The following PRAME variants were observed in gnomAD, a reference collection of about 807,000 sequenced individuals.
PRAME encodes the protein PRAME nuclear receptor transcriptional regulator.
PRAME carries 21 observed loss-of-function variants against 32.1 expected under a neutral mutation model. The observed-to-expected ratio is 0.65, with a 90% CI of 0.46 to 0.94. PRAME has a LOEUF of 0.94. PRAME is among the 40% of genes least tolerant of loss of function. The pLI is 0.00. For synonymous variants in PRAME, 274 were observed against 251.5 expected (o/e 1.09, Z -0.85); for missense variants, 651 against 622.3 (o/e 1.05, Z -0.49).
chr22:22,557,605 G>C (rs1203190652), intron 1 of PRAME, 25 bp from the exon 2 acceptor site: 1 of 140,036 alleles, frequency 7.1e-6, no homozygotes, highest in Non-Finnish European at 1.5e-5. Context: ...CGAGACAATG[G>C]CTCAGCTAAG....
At chr22:22,549,336 G>C (rs1008575429) in intron 5 of PRAME, among the ~76,000 whole-genome samples, 1 of 151,910 alleles carries the variant, frequency 6.6e-6, no homozygotes, top group Non-Finnish European at 1.5e-5. Context: ...TTGAGAAGCT[G>C]GTGAGCGCAC....
chr22:22,551,897 TGGTGA>T (rs1269371265), intron 3 of PRAME, among the ~76,000 whole-genome samples: 1 of 151,830 alleles, frequency 6.6e-6, no homozygotes, highest in Non-Finnish European at 1.5e-5. Flanking sequence ...CACATATGTG[TGGTGA>T]GAACACTTGA....
At chr22:22,553,040 T>C in intron 3 of PRAME, 1 of 421,436 alleles carries the variant, frequency 2.4e-6, no homozygotes, top group Admixed American at 2.7e-5. Flanking sequence ...CAGGTTCAAC[T>C]GATTGAATGG....
Position 22,551,041 on chromosome 22 carries a change from G to A in PRAME, c.70C>T (p.Arg24Trp), listed in dbSNP as rs73158906. Residue 24 changes from arginine (R) to tryptophan (W), a missense_variant, in exon 4 of 6, where the codon CGG becomes TGG. Coordinates refer to ENST00000405655, the MANE Select transcript of PRAME (RefSeq NM_206956.3). ...TGCCCTGCCAGCTCCACAAGTCTCC[G>A]TGGGCTTGTCCACACACTCATGCTG... ...YISMSVWTSPRRLVELAGQSL... is the reference protein window; with the variant it reads ...YISMSVWTSPWRLVELAGQSL... 587 of 1,607,972 alleles carry A rather than the reference G, an allele frequency of 3.7e-4. 3 individuals carry two copies. The African/African-American group carries it at 6.3e-3, about 17-fold the overall frequency.
At position 22,557,165 on chromosome 22, in the gene PRAME, G is replaced by A. The variant is rs2062979827; in HGVS notation, c.-77-256C>T. The stretch of plus-strand genomic sequence containing the variant: ...CCTGTGGTCAAGGACCCTGACTACG[G>A]TCTTGCAGCGACATTTCTGCCTCTG... On this transcript the variant is annotated intron_variant, in intron 2 of 5. Transcript: ENST00000405655. 2.0e-5 allele frequency: 8 copies of A among 408,168 alleles called. No individual in the cohort carries two copies. In the Admixed American group the frequency reaches 2.8e-4, roughly 14 times the overall value. The allele number at this position is 408,168 out of a possible 1,614,324, so 25.3% of individuals were successfully genotyped here.
In PRAME at chr22:22,549,885, A is replaced by C. The variant is rs559876942; in HGVS notation, c.794T>G (p.Leu265Arg). Residue 265 changes from leucine to arginine, a missense_variant, in exon 5 of 6, where the codon CTC becomes CGC. Leu to Arg is a moderately radical substitution (Grantham distance 102). Coordinates refer to ENST00000405655, the MANE Select transcript of PRAME (RefSeq NM_206956.3). Reference sequence around the variant, plus strand: ...AGATGCATGGATGTGGGAGAGGAGGAGTCTACGCAGATTAATCATCTGGCC... The same window carrying C: ...AGATGCATGGATGTGGGAGAGGAGGCGTCTACGCAGATTAATCATCTGGCC... ...YLGQMINLRR[L>R]LLSHIHASSY... 2.1e-5 allele frequency: 34 copies of C among 1,613,820 alleles called. No individual in the cohort carries two copies. Among genetic ancestry groups the C allele is most frequent in the Middle Eastern group, 3.3e-4 (2 of 6,054 alleles).
intron 3 of PRAME, among the ~76,000 whole-genome samples, chr22:22,551,744 A>G (rs1036962496): frequency 1.3e-5 from 2 of 151,966 alleles, no homozygotes; most frequent in Admixed American, 6.6e-5. Context: ...CAGTAAAACA[A>G]AGCCTGGTTC....
At position 22,549,763 on chromosome 22, in the gene PRAME, A is replaced by G. The variant is rs776285357; in HGVS notation, c.916T>C (p.Leu306=). ...TCCAGGCGGCCTCTAAGGAAAAATAAAGAGTCCACATAGAGAGCCTGCAGG... is the reference window on the plus strand; with the variant it reads ...TCCAGGCGGCCTCTAAGGAAAAATAGAGAGTCCACATAGAGAGCCTGCAGG... ...QCLQALYVDS[L]FFLRGRLDQL... is the part of the protein sequence containing the mutation. The change falls in exon 5 of 6, where the codon TTA becomes CTA. Residue 306 remains leucine, a synonymous_variant. Coordinates refer to ENST00000405655, the MANE Select transcript of PRAME (RefSeq NM_206956.3). The G allele has an allele frequency of 5.0e-6, 8 of 1,609,246 alleles. No homozygotes were observed. The highest frequency in any genetic ancestry group is 2.2e-5 in the East Asian group (1 of 44,782).
At chr22:22,552,712 G>A in intron 3 of PRAME, 1 of 308,282 alleles carries the variant, frequency 3.2e-6, no homozygotes. Flanking sequence ...AAAGAAAAAG[G>A]AAAACCATCT....
chr22:22,552,784 C>T (rs556020482), intron 3 of PRAME: 1 of 469,662 alleles, frequency 2.1e-6, no homozygotes, highest in Admixed American at 2.4e-5. Context: ...GAGGCAGTGG[C>T]CATAGCCTGA....
rs375252342 is a variant in PRAME, at chr22:22,552,775, A to G, written c.22-1686T>C. On this transcript the variant is annotated intron_variant, in intron 3 of 5. Transcript: ENST00000405655. The stretch of plus-strand genomic sequence containing the variant: ...GAGACCCTGAGGTGACAGTAGAAGG[A>G]GGCAGTGGCCATAGCCTGAGGCTCC... 5 of 467,576 alleles carry G rather than the reference A, an allele frequency of 1.1e-5. No homozygotes were observed. In the Admixed American group the frequency reaches 1.2e-4, roughly 11 times the overall value. The allele number at this position is 467,576 out of a possible 1,614,324, so 29.0% of individuals were successfully genotyped here.
Position 22,559,188 on chromosome 22 carries a change from A to C in PRAME, c.-331T>G, listed in dbSNP as rs1332644922. 1 of 285,936 alleles carries C rather than the reference A, an allele frequency of 3.5e-6. No individual in the cohort carries two copies. The highest frequency in any genetic ancestry group is 6.8e-6 in the Non-Finnish European group (1 of 147,516). 17.7% of individuals were successfully genotyped at this position (285,936 alleles called of 1,614,324 possible). A position where few individuals can be genotyped will look rare whatever the true frequency, so the allele number is the denominator to read the frequency against. On this transcript the variant is annotated 5_prime_UTR_variant, in exon 1 of 6. Coordinates refer to ENST00000405655, the MANE Select transcript of PRAME (RefSeq NM_206956.3). Reference sequence around the variant, plus strand: ...GCCAATACAGACCTGTTGACAGGTCACGCCTGGGAAGCGGGTGGGGTGTCC... The same window carrying C: ...GCCAATACAGACCTGTTGACAGGTCCCGCCTGGGAAGCGGGTGGGGTGTCC...
chr22:22,555,059 G>A (rs2062825446), intron 3 of PRAME, among the ~76,000 whole-genome samples: 1 of 151,992 alleles, frequency 6.6e-6, no homozygotes, highest in African/African-American at 2.4e-5. Flanking sequence ...CAGTATAAGG[G>A]AGAAGTGAAA....
chr22:22,554,497 C>T (rs954551231), intron 3 of PRAME, among the ~76,000 whole-genome samples: 11 of 151,868 alleles, frequency 7.2e-5, no homozygotes, highest in African/African-American at 2.4e-4. Context: ...TCATCAGCTG[C>T]GGGAGACTGA....
At chr22:22,552,608 A>G (rs563596357) in intron 3 of PRAME, among the ~76,000 whole-genome samples, 1 of 152,146 alleles carries the variant, frequency 6.6e-6, no homozygotes, top group Non-Finnish European at 1.5e-5. Flanking sequence ...ATTGTGTATC[A>G]ATTAAGAAAT....
At chr22:22,553,069 G>A in intron 3 of PRAME, 5 of 374,034 alleles carry the variant, frequency 1.3e-5, no homozygotes, top group Admixed American at 3.4e-5. Flanking sequence ...TTTACAAAAA[G>A]GAAAGAAAAA....
chr22:22,551,092 G>A lies in PRAME; in HGVS notation c.22-3C>T, dbSNP rs1295440320. 2.6e-6 allele frequency: 4 copies of A among 1,558,740 alleles called. No homozygotes were observed. The highest frequency in any genetic ancestry group is 3.5e-6 in the Non-Finnish European group (4 of 1,147,918). On this transcript the variant is annotated splice_region_variant and splice_polypyrimidine_tract_variant and intron_variant, in intron 3 of 5. Coordinates refer to ENST00000405655, the MANE Select transcript of PRAME (RefSeq NM_206956.3). The stretch of plus-strand genomic sequence containing the variant: ...ATGTATCGGCTCTGAATGGAACCCT[G>A]AGGAAACATACAGGGAACAAGGCAT...
At chr22:22,551,114 G>C in intron 3 of PRAME, 25 bp from the exon 4 acceptor site, 6 of 1,532,112 alleles carry the variant, frequency 3.9e-6, no homozygotes, top group Non-Finnish European at 4.4e-6. Context: ...AGGGAACAAG[G>C]CATCCCTTTC....
intron 3 of PRAME, among the ~76,000 whole-genome samples, chr22:22,551,942 A>G (rs2062601283): frequency 6.6e-6 from 1 of 151,668 alleles, no homozygotes; most frequent in Non-Finnish European, 1.5e-5. Context: ...TCATGTATAC[A>G]ATACATTATT....
Sources: gnomAD v4.1 joint callset for allele counts (sites outside exome capture counted in the v4.1 genomes callset) on GRCh38, gnomAD v4.1.1 for gene constraint, MANE v1.5 for transcripts, NCBI Gene and HGNC (gene_info 2026-07-23, HGNC 2026-07-21) for gene names.